ARHGEF4: variants seen among roughly 807,000 people sequenced by gnomAD.
ARHGEF4 encodes the protein Rho guanine nucleotide exchange factor 4.
A neutral mutation model predicts 162.0 loss-of-function variants in ARHGEF4; 119 were observed. That is an observed-to-expected ratio of 0.73 (90% CI 0.63 to 0.86). The LOEUF (loss-of-function observed/expected upper bound fraction) is 0.86. Ranked by LOEUF, ARHGEF4 falls within the 40% of genes least tolerant of loss-of-function variation. ARHGEF4 has a pLI of 0.00. For synonymous variants in ARHGEF4, 1,014 were observed against 979.9 expected (o/e 1.03, Z -0.65); for missense variants, 2,488 against 2,456.0 (o/e 1.01, Z -0.28).
chr2:131,030,133 ATGGC>A (rs1175506927), intron 5 of ARHGEF4, among the ~76,000 whole-genome samples: 1 of 152,192 alleles, frequency 6.6e-6, no homozygotes, highest in Non-Finnish European at 1.5e-5. Context: ...TGGGGGTTCC[ATGGC>A]TGGCCTTATG....
chr2:130,988,868 GTGTGTA>G (rs1161918597), intron 4 of ARHGEF4, among the ~76,000 whole-genome samples: 42 of 20,744 alleles, frequency 2.0e-3, no homozygotes, highest in African/African-American at 3.9e-3. Flanking sequence ...GTGTGTGTGT[GTGTGTA>G]TATATATATA....
intron 4 of ARHGEF4, among the ~76,000 whole-genome samples, chr2:131,002,709 CAAAAAAAAAAAAAAAAAA>C (rs66979991): frequency 5.6e-5 from 3 of 53,246 alleles, no homozygotes; most frequent in Non-Finnish European, 9.4e-5. Context: ...GACTCCGTCT[CAAAAAAAAAAAAAAAAAA>C]AAAAAAAAAA....
intron 11 of ARHGEF4, among the ~76,000 whole-genome samples, chr2:131,044,045 TC>T (rs979087033): frequency 1.3e-5 from 2 of 151,984 alleles, no homozygotes; most frequent in African/African-American, 4.8e-5. Context: ...TGTCTTAGTC[TC>T]CCCACCTCAA....
At chr2:130,946,709 G>A in intron 4 of ARHGEF4, 74 bp downstream of exon 4, 1 of 1,596,268 alleles carries the variant, frequency 6.3e-7, no homozygotes, top group Non-Finnish European at 8.5e-7. Context: ...AGTGCTGTTG[G>A]CAGCTGTATC....
chr2:130,976,114 G>C (rs1156570016), intron 4 of ARHGEF4, among the ~76,000 whole-genome samples: 5 of 152,294 alleles, frequency 3.3e-5, no homozygotes, highest in East Asian at 3.9e-4. Context: ...TGAGGGAATG[G>C]ACACATGGAG....
chr2:131,035,514 A>C, intron 5 of ARHGEF4: 9 of 418,802 alleles, frequency 2.1e-5, no homozygotes, highest in East Asian at 1.6e-4. Flanking sequence ...GGAGGCCAAA[A>C]TGGCGCGTCT....
intron 3 of ARHGEF4, among the ~76,000 whole-genome samples, chr2:130,945,401 G>A (rs148519935): frequency 6.6e-6 from 1 of 152,252 alleles, no homozygotes; most frequent in Non-Finnish European, 1.5e-5. Context: ...TGGTCAGAGA[G>A]GATTCCTGTC....
intron 3 of ARHGEF4, among the ~76,000 whole-genome samples, chr2:130,938,761 A>T (rs886946096): frequency 6.6e-6 from 1 of 151,924 alleles, no homozygotes; most frequent in African/African-American, 2.4e-5. Context: ...TACTTAATCA[A>T]TTTTTTTCGT....
chr2:130,997,311 C>G (rs747497362), intron 4 of ARHGEF4, among the ~76,000 whole-genome samples: 6 of 152,118 alleles, frequency 3.9e-5, no homozygotes, highest in Admixed American at 3.3e-4. Context: ...TTAAAAAATA[C>G]TTTAAAGCAT....
intron 4 of ARHGEF4, among the ~76,000 whole-genome samples, chr2:130,960,006 G>C (rs1684536538): frequency 6.6e-6 from 1 of 152,164 alleles, no homozygotes; most frequent in Non-Finnish European, 1.5e-5. Flanking sequence ...TGGCCTTTCT[G>C]ATAAAGACAC....
intron 13 of ARHGEF4, 150 bp from the exon 14 acceptor site, chr2:131,045,888 A>G (rs1691210618): frequency 6.7e-7 from 1 of 1,489,088 alleles, no homozygotes; most frequent in African/African-American, 1.4e-5. Context: ...GGATGTGGTC[A>G]GCTCTCCAGG....
intron 4 of ARHGEF4, among the ~76,000 whole-genome samples, chr2:130,974,764 T>A (rs1041816752): frequency 2.0e-5 from 3 of 152,038 alleles, no homozygotes; most frequent in Non-Finnish European, 4.4e-5. Flanking sequence ...ACCCGGCAAC[T>A]TTTTTGAGTA....
intron 4 of ARHGEF4, among the ~76,000 whole-genome samples, chr2:131,004,235 G>A (rs938083436): frequency 2.6e-5 from 4 of 152,110 alleles, no homozygotes; most frequent in African/African-American, 7.2e-5. Flanking sequence ...GCACGATCTC[G>A]ACTCACTGCA....
intron 3 of ARHGEF4, among the ~76,000 whole-genome samples, chr2:130,939,908 C>T (rs142867894): frequency 8.3e-4 from 127 of 152,114 alleles, no homozygotes; most frequent in Non-Finnish European, 1.6e-3. Flanking sequence ...TATGGAAATG[C>T]GATTGATTTT....
chr2:130,982,257 T>C (rs1686168943), intron 4 of ARHGEF4, among the ~76,000 whole-genome samples: 1 of 152,192 alleles, frequency 6.6e-6, no homozygotes, highest in Admixed American at 6.5e-5. Context: ...CCCAAAGTGC[T>C]GGGATAACAG....
rs905887158 is a variant in ARHGEF4, at chr2:131,043,708, C to A, written c.5157+125C>A. The A allele has an allele frequency of 1.6e-5, 21 of 1,333,936 alleles. No homozygotes were observed. The African/African-American group carries it at 3.0e-4, about 19-fold the overall frequency. 82.6% of individuals were successfully genotyped at this position (1,333,936 alleles called of 1,614,324 possible). A position where few individuals can be genotyped will look rare whatever the true frequency, so the allele number is the denominator to read the frequency against. ...CCATACCCGGGGAGCCTGGCCAGAC[C>A]CTTGGGGCTGGGATGGGGTGGCTCT... On this transcript the variant is annotated intron_variant, in intron 11 of 13. Coordinates refer to ENST00000409359, the MANE Select transcript of ARHGEF4 (RefSeq NM_001367493.1).
intron 4 of ARHGEF4, among the ~76,000 whole-genome samples, chr2:130,950,150 T>C (rs1465872051): frequency 2.0e-5 from 3 of 152,200 alleles, no homozygotes; most frequent in African/African-American, 7.2e-5. Flanking sequence ...ATGAATGCCA[T>C]GAGTCAGCGC....
At chr2:131,043,831 T>C (rs552387951) in intron 11 of ARHGEF4, among the ~76,000 whole-genome samples, 22 of 152,210 alleles carry the variant, frequency 1.4e-4, no homozygotes, top group African/African-American at 5.1e-4. Flanking sequence ...ACCTGGCCGC[T>C]GCTTGCTCCT....
intron 13 of ARHGEF4, 122 bp from the exon 14 acceptor site, chr2:131,045,916 A>G (rs1369833410): frequency 2.0e-6 from 3 of 1,495,838 alleles, no homozygotes; most frequent in African/African-American, 1.4e-5. Context: ...CCTGTGTGGC[A>G]AAACTGCCTC....
Sources: gnomAD v4.1 joint callset for allele counts (sites outside exome capture counted in the v4.1 genomes callset) on GRCh38, gnomAD v4.1.1 for gene constraint, MANE v1.5 for transcripts, NCBI Gene and HGNC (gene_info 2026-07-23, HGNC 2026-07-21) for gene names.